Variants in LARGE1 observed in about 807,000 individuals in gnomAD.
LARGE1 encodes the protein LARGE xylosyl- and glucuronyltransferase 1.
Under a neutral mutation model 87.6 loss-of-function variants are expected in LARGE1, and 43 were observed. The ratio of observed to expected loss-of-function variants is 0.49; its 90% CI spans 0.38 to 0.63. The LOEUF is 0.63. Ranked by LOEUF, LARGE1 falls within the 30% of genes least tolerant of loss-of-function variation. LARGE1 has a pLI of 0.00. For synonymous variants in LARGE1, 434 were observed against 394.6 expected (o/e 1.10, Z -1.18); for missense variants, 802 against 1,000.2 (o/e 0.80, Z 2.67).
the LARGE1 span, among the ~76,000 whole-genome samples, chr22:33,103,290 G>A: frequency 2.4e-4 from 36 of 151,942 alleles, no homozygotes; most frequent in Non-Finnish European, 3.2e-4. Flanking sequence ...AAAATTAGCC[G>A]GGCGTGGTGG....
intron 11 of LARGE1, among the ~76,000 whole-genome samples, chr22:33,191,461 G>C (rs976822845): frequency 2.6e-5 from 4 of 152,204 alleles, no homozygotes; most frequent in Non-Finnish European, 4.4e-5. Flanking sequence ...CCATAGGTCA[G>C]TCTGATGCAC....
chr22:33,840,869 C>T (rs1018463736), intron 1 of LARGE1, among the ~76,000 whole-genome samples: 4 of 152,130 alleles, frequency 2.6e-5, no homozygotes, highest in Admixed American at 6.5e-5. Flanking sequence ...GTGATCCACC[C>T]GCCTCAGCCT....
chr22:33,822,172 C>A (rs1218036123), intron 1 of LARGE1, among the ~76,000 whole-genome samples: 1 of 152,064 alleles, frequency 6.6e-6, no homozygotes, highest in Non-Finnish European at 1.5e-5. Context: ...CTATGTGTGC[C>A]CTTGGGAGCT....
At chr22:33,302,693 C>T (rs146823898) in intron 12 of LARGE1, among the ~76,000 whole-genome samples, 129 of 152,224 alleles carry the variant, frequency 8.5e-4, no homozygotes, top group African/African-American at 2.9e-3. Flanking sequence ...AGCAAGAGAA[C>T]GAGAGAGAAA....
intron 1 of LARGE1, among the ~76,000 whole-genome samples, chr22:33,826,369 G>C (rs1030344352): frequency 4.4e-5 from 6 of 137,424 alleles, no homozygotes; most frequent in Non-Finnish European, 7.6e-5. Flanking sequence ...TTAAGATGGA[G>C]TCTCGCTCTG....
At chr22:33,396,463 CAGAGAGAGAGAGAGAG>C (rs3071529) in intron 7 of LARGE1, among the ~76,000 whole-genome samples, 3 of 104,726 alleles carry the variant, frequency 2.9e-5, no homozygotes, top group Admixed American at 1.1e-4. Context: ...GAGAGAGTGA[CAGAGAGAGAGAGAGAG>C]AGAGAGAGAG....
intron 2 of LARGE1, among the ~76,000 whole-genome samples, chr22:33,669,541 T>C (rs2081351179): frequency 6.6e-6 from 1 of 152,192 alleles, no homozygotes; most frequent in South Asian, 2.1e-4. Flanking sequence ...TCCCTCTTCC[T>C]TGATACTCAT....
the LARGE1 span, among the ~76,000 whole-genome samples, chr22:33,095,708 C>G: frequency 6.6e-6 from 1 of 152,118 alleles, no homozygotes; most frequent in Non-Finnish European, 1.5e-5. Context: ...TACAGGTATT[C>G]GCTATGTGCC....
chr22:33,440,893 T>C (rs1348850719), intron 6 of LARGE1, among the ~76,000 whole-genome samples: 2 of 152,140 alleles, frequency 1.3e-5, no homozygotes, highest in Non-Finnish European at 2.9e-5. Context: ...ATGGTCTTAA[T>C]GACTTCTCTG....
the LARGE1 span, among the ~76,000 whole-genome samples, chr22:33,116,757 G>T: frequency 4.6e-5 from 7 of 152,128 alleles, no homozygotes; most frequent in African/African-American, 1.4e-4. Context: ...TTTTTAGCAC[G>T]CTGTGAGGTT....
the LARGE1 span, among the ~76,000 whole-genome samples, chr22:33,075,350 A>G: frequency 1.3e-5 from 2 of 152,024 alleles, no homozygotes; most frequent in African/African-American, 4.8e-5. Flanking sequence ...TCCTGTGTCT[A>G]TCTGTAGGAG....
chr22:33,803,889 T>G (rs1378770025), intron 1 of LARGE1, among the ~76,000 whole-genome samples: 2 of 152,200 alleles, frequency 1.3e-5, no homozygotes, highest in African/African-American at 4.8e-5. Context: ...ATCAACAGTT[T>G]AAGCACAGTG....
At chr22:33,091,019 T>G in the LARGE1 span, among the ~76,000 whole-genome samples, 4 of 152,284 alleles carry the variant, frequency 2.6e-5, no homozygotes, top group African/African-American at 9.6e-5. Flanking sequence ...TTTCTAACCC[T>G]TGGAGGCCTT....
chr22:33,728,990 A>G (rs19964), intron 2 of LARGE1, among the ~76,000 whole-genome samples: 89,469 of 151,918 alleles, frequency 0.59, 27,157 homozygotes, highest in African/African-American at 0.73. Flanking sequence ...CCCCCTCCCC[A>G]CAAAAAAAGG....
chr22:33,747,859 AT>A (rs2084150921), intron 2 of LARGE1: 1 of 151,966 alleles, frequency 6.6e-6, no homozygotes, highest in Non-Finnish European at 1.5e-5. Flanking sequence ...TTATGGGGGG[AT>A]TATTTCACTG....
At chr22:33,886,656 C>CCAA (rs2064853996) in intron 1 of LARGE1, among the ~76,000 whole-genome samples, 1 of 34,566 alleles carries the variant, frequency 2.9e-5, no homozygotes, top group Non-Finnish European at 5.8e-5. Flanking sequence ...GAGATTCTGC[C>CCAA]AAAAAAAAAA....
At chr22:33,284,409 A>G (rs1182075243) in intron 12 of LARGE1, among the ~76,000 whole-genome samples, 1 of 152,128 alleles carries the variant, frequency 6.6e-6, no homozygotes, top group Admixed American at 6.5e-5. Context: ...TCTCCCTAAG[A>G]GAAAGTTAAA....
chr22:33,803,383 T>A (rs1369393515), intron 1 of LARGE1, among the ~76,000 whole-genome samples: 2 of 152,202 alleles, frequency 1.3e-5, no homozygotes, highest in Admixed American at 6.5e-5. Flanking sequence ...TAAGGCAAAC[T>A]GGAGTTTTAC....
the LARGE1 span, chr22:33,137,420 A>G: frequency 1.3e-5 from 2 of 152,678 alleles, no homozygotes; most frequent in East Asian, 3.8e-4. Context: ...TGTTAAAGGC[A>G]TTCAGTTTCA....
Sources: allele counts gnomAD v4.1 joint callset (sites outside exome capture counted in the v4.1 genomes callset), GRCh38; gene constraint gnomAD v4.1.1; transcripts MANE v1.5; gene names NCBI Gene and HGNC (gene_info 2026-07-23, HGNC 2026-07-21).